TRPV2: variants seen among roughly 807,000 people sequenced by gnomAD.
TRPV2 encodes the protein transient receptor potential cation channel subfamily V member 2, also known as OTRPC2.
A neutral mutation model predicts 91.0 loss-of-function variants in TRPV2; 58 were observed. That is an observed-to-expected ratio of 0.64 (90% CI 0.52 to 0.79). TRPV2 has a LOEUF of 0.79. TRPV2 is among the 30% of genes least tolerant of loss of function. The pLI, the probability that TRPV2 is intolerant of heterozygous loss-of-function variation, is 0.00. For synonymous variants in TRPV2, 417 were observed against 414.8 expected, an observed-to-expected ratio of 1.01 and a Z score of -0.06; for missense variants, 807 against 969.6, an observed-to-expected ratio of 0.83 and a Z score of 2.23.
In TRPV2 at chr17:16,415,889, C is replaced by T. The variant is rs1022238029; in HGVS notation, c.-108+56C>T. 1 of 152,352 alleles carries T rather than the reference C, an allele frequency of 6.6e-6. No individual in the cohort carries two copies. The highest frequency in any genetic ancestry group is 2.4e-5 in the African/African-American group (1 of 41,418). The allele number at this position is 152,352 out of a possible 1,614,324, so 9.4% of individuals were successfully genotyped here. On this transcript the variant is annotated intron_variant, in intron 1 of 14. Coordinates refer to ENST00000338560, the MANE Select transcript of TRPV2 (RefSeq NM_016113.5). This position sits in a 1 kb window ranked among gnomAD's most constrained non-coding sequence, Gnocchi z 4.5. ...GAGGGGGCCGGGTCTCCAAGCCTGACAGTGAATGATGGGGTGGGGAAGGCC... is the reference window on the plus strand; with the variant it reads ...GAGGGGGCCGGGTCTCCAAGCCTGATAGTGAATGATGGGGTGGGGAAGGCC...
chr17:16,419,506 C>G (rs936120147), intron 2 of TRPV2: 1 of 443,506 alleles, frequency 2.3e-6, no homozygotes, highest in African/African-American at 2.1e-5. Flanking sequence ...TGCTGAGATT[C>G]CCAGTTTGGC....
intron 4 of TRPV2, 66 bp downstream of exon 4, chr17:16,422,955 G>A (rs896698267): frequency 3.3e-6 from 5 of 1,508,230 alleles, no homozygotes; most frequent in South Asian, 2.5e-5. Flanking sequence ...AGGTCACATG[G>A]TTAGTGTATG....
intron 10 of TRPV2, among the ~76,000 whole-genome samples, chr17:16,430,782 A>G (rs1349934427): frequency 6.6e-6 from 1 of 152,154 alleles, no homozygotes; most frequent in Non-Finnish European, 1.5e-5. Context: ...CATCACGCCC[A>G]GCCAATTCCT....
intron 2 of TRPV2, 102 bp downstream of exon 2, chr17:16,417,970 C>A: frequency 8.5e-7 from 1 of 1,179,476 alleles, no homozygotes; most frequent in Non-Finnish European, 1.2e-6. Flanking sequence ...AGTGCCCCTT[C>A]CCACAGCCTG....
In TRPV2 at chr17:16,417,571, A is replaced by C; in HGVS notation, c.-98A>C. ...ATACCTCCTTTTGCAGGCTCCAGTCAGGCCAACACCGACGCGCAGCTGGGA... is the reference window on the plus strand; with the variant it reads ...ATACCTCCTTTTGCAGGCTCCAGTCCGGCCAACACCGACGCGCAGCTGGGA... On this transcript the variant is annotated 5_prime_UTR_variant, in exon 2 of 15. Coordinates refer to ENST00000338560, the MANE Select transcript of TRPV2 (RefSeq NM_016113.5). The C allele has an allele frequency of 7.5e-7, 1 of 1,333,166 alleles. No individual in the cohort carries two copies. Among genetic ancestry groups the C allele is most frequent in the Non-Finnish European group, 1.1e-6 (1 of 947,842 alleles). 82.6% of individuals were successfully genotyped at this position (1,333,166 alleles called of 1,614,324 possible).
At chr17:16,433,755 C>T in intron 13 of TRPV2, 57 bp downstream of exon 13, 1 of 1,593,728 alleles carries the variant, frequency 6.3e-7, no homozygotes. Flanking sequence ...ATCCCTGGGG[C>T]CCCCCTGCAG....
rs571944958 is a variant in TRPV2, at chr17:16,415,652, G to C, written c.-289G>C. ...GTGCCGGCTGGCCAGGTGGGCTGAG[G>C]GTGACCGAGAGACCAGAACCTGCTT... On this transcript the variant is annotated 5_prime_UTR_variant, in exon 1 of 15. Coordinates refer to ENST00000338560, the MANE Select transcript of TRPV2 (RefSeq NM_016113.5). The surrounding 1 kb of genome is among the most constrained non-coding windows in gnomAD (Gnocchi z 4.5). 1.3e-5 allele frequency: 2 copies of C among 152,452 alleles called. No individual in the cohort carries two copies. Among genetic ancestry groups the C allele is most frequent in the East Asian group, 3.9e-4 (2 of 5,180 alleles). The allele number at this position is 152,452 out of a possible 1,614,324, so 9.4% of individuals were successfully genotyped here.
Position 16,415,921 on chromosome 17 carries a change from G to T in TRPV2, c.-108+88G>T, listed in dbSNP as rs1281595399. On this transcript the variant is annotated intron_variant, in intron 1 of 14. Coordinates refer to ENST00000338560, the MANE Select transcript of TRPV2 (RefSeq NM_016113.5). This position sits in a 1 kb window ranked among gnomAD's most constrained non-coding sequence, Gnocchi z 4.5. Reference sequence around the variant, plus strand: ...TGATGGGGTGGGGAAGGCCTAGTGGGCTCCTGGCTTCTACAGCCTGGAGCC... The same window carrying T: ...TGATGGGGTGGGGAAGGCCTAGTGGTCTCCTGGCTTCTACAGCCTGGAGCC... 6.6e-6 allele frequency: 1 copy of T among 152,210 alleles called. No individual in the cohort carries two copies. Among genetic ancestry groups the T allele is most frequent in the East Asian group, 1.9e-4 (1 of 5,152 alleles). 9.4% of individuals were successfully genotyped at this position (152,210 alleles called of 1,614,324 possible).
chr17:16,431,647 C>T (rs1051110896), intron 10 of TRPV2, 137 bp from the exon 11 acceptor site: 4 of 750,194 alleles, frequency 5.3e-6, no homozygotes, highest in Non-Finnish European at 9.1e-6. Context: ...TGTGGCTCCA[C>T]AGGCCCACAT....
chr17:16,436,094 C>T (rs1302486207), intron 14 of TRPV2, among the ~76,000 whole-genome samples: 1 of 152,128 alleles, frequency 6.6e-6, no homozygotes, highest in Admixed American at 6.5e-5. Flanking sequence ...CAGCCTATTC[C>T]CCCCGCTATA....
intron 13 of TRPV2, among the ~76,000 whole-genome samples, chr17:16,434,096 ATGGAGAACATGCCCTTCTG>A (rs1289651806): frequency 2.6e-5 from 4 of 152,002 alleles, no homozygotes; most frequent in African/African-American, 9.7e-5. Context: ...AACCCCTTCC[ATGGAGAACATGCCCTTCTG>A]TGTCCAGGAA....
intron 10 of TRPV2, among the ~76,000 whole-genome samples, chr17:16,431,126 A>G (rs1458241222): frequency 1.3e-5 from 2 of 149,768 alleles, no homozygotes; most frequent in Non-Finnish European, 3.0e-5. Context: ...ATCATAGCTC[A>G]TTGCCGCCTT....
intron 13 of TRPV2, among the ~76,000 whole-genome samples, chr17:16,434,386 T>G (rs1184503522): frequency 6.8e-6 from 1 of 146,272 alleles, no homozygotes; most frequent in Non-Finnish European, 1.5e-5. Flanking sequence ...GAGAATGGCA[T>G]GAACCTGGGA....
rs753794168 is a variant in TRPV2, at chr17:16,434,914, A to T, written c.2139A>T (p.Ser713=). 1 of 1,612,092 alleles carries T rather than the reference A, an allele frequency of 6.2e-7. No homozygotes were observed. Among genetic ancestry groups the T allele is most frequent in the Non-Finnish European group, 8.5e-7 (1 of 1,179,352 alleles). The change falls in exon 14 of 15, where the codon TCA becomes TCT. Residue 713 remains serine, a synonymous_variant. Coordinates refer to ENST00000338560, the MANE Select transcript of TRPV2 (RefSeq NM_016113.5). Reference sequence around the variant, plus strand: ...GGGTGGAGGAGGTGAACTGGGCTTCATGGGAGCAGACGCTGCCTACGCTGT... The same window carrying T: ...GGGTGGAGGAGGTGAACTGGGCTTCTTGGGAGCAGACGCTGCCTACGCTGT... ...CFRVEEVNWA[S]WEQTLPTLCE...
At chr17:16,429,296 G>A (rs764331916) in intron 10 of TRPV2, among the ~76,000 whole-genome samples, 45 of 152,234 alleles carry the variant, frequency 3.0e-4, no homozygotes, top group Non-Finnish European at 5.6e-4. Flanking sequence ...ATGTGTGGGC[G>A]CGGGCATGTA....
At chr17:16,428,409 C>T in intron 9 of TRPV2, 22 bp downstream of exon 9, 2 of 1,611,976 alleles carry the variant, frequency 1.2e-6, no homozygotes, top group Non-Finnish European at 1.7e-6. Context: ...CTCACTCCTC[C>T]TTCTCTCAAC....
At chr17:16,419,205 G>A (rs1013895593) in intron 2 of TRPV2, 4 of 399,616 alleles carry the variant, frequency 1.0e-5, no homozygotes, top group Non-Finnish European at 2.0e-5. Flanking sequence ...AGCCCCAGAG[G>A]CAAGTTGGCC....
chr17:16,429,525 C>G (rs4792743), intron 10 of TRPV2, among the ~76,000 whole-genome samples: 86,583 of 152,108 alleles, frequency 0.57, 25,849 homozygotes, highest in Non-Finnish European at 0.67. Flanking sequence ...CAATGTGATG[C>G]AGAATGGCTG....
At chr17:16,433,465 G>A (rs920456053) in intron 12 of TRPV2, 109 bp from the exon 13 acceptor site, 105 of 1,478,114 alleles carry the variant, frequency 7.1e-5, no homozygotes, top group Admixed American at 2.2e-4. Flanking sequence ...TTGACTTCGC[G>A]TTATACTGTG....
Sources: gnomAD v4.1 joint callset for allele counts (sites outside exome capture counted in the v4.1 genomes callset) on GRCh38, gnomAD v4.1.1 for gene constraint, Gnocchi (gnomAD v3.1) non-coding constraint, MANE v1.5 for transcripts, NCBI Gene and HGNC (gene_info 2026-07-23, HGNC 2026-07-21) for gene names.